SCFD2: variants seen among roughly 807,000 people sequenced by gnomAD.
SCFD2 encodes the protein sec1 family domain-containing protein 2.
In SCFD2, 54 loss-of-function variants were observed where a neutral mutation model predicts 58.9. The observed-to-expected ratio is 0.92, with a 90% CI of 0.74 to 1.15. The LOEUF (loss-of-function observed/expected upper bound fraction) is 1.15, where lower values mean the gene tolerates loss of function less well. Ranked by LOEUF, SCFD2 falls within the 50% of genes most tolerant of loss-of-function variation. The pLI, the probability that SCFD2 is intolerant of heterozygous loss-of-function variation, is 0.00. For synonymous variants in SCFD2, 321 were observed against 335.9 expected (o/e 0.96, Z 0.49); for missense variants, 805 against 836.6 (o/e 0.96, Z 0.47).
At chr4:53,251,192 G>A (rs892712722) in intron 4 of SCFD2, among the ~76,000 whole-genome samples, 2 of 152,176 alleles carry the variant, frequency 1.3e-5, no homozygotes, top group Non-Finnish European at 2.9e-5. Context: ...GGAAGAAGTT[G>A]AATCTCTGAA....
intron 1 of SCFD2, among the ~76,000 whole-genome samples, chr4:53,353,071 A>C (rs1294220869): frequency 6.6e-6 from 1 of 152,154 alleles, no homozygotes; most frequent in Non-Finnish European, 1.5e-5. Flanking sequence ...TCAAGAATGA[A>C]GCCGCAGACC....
intron 4 of SCFD2, among the ~76,000 whole-genome samples, chr4:53,270,957 C>T (rs1310822816): frequency 6.6e-6 from 1 of 151,998 alleles, no homozygotes; most frequent in African/African-American, 2.4e-5. Flanking sequence ...AACCAACCAC[C>T]ATAAACAACA....
intron 4 of SCFD2, among the ~76,000 whole-genome samples, chr4:53,254,426 T>C (rs1210185107): frequency 6.6e-6 from 1 of 152,178 alleles, no homozygotes; most frequent in African/African-American, 2.4e-5. Flanking sequence ...GATTTTAAGT[T>C]GCCTGAGGCC....
chr4:53,049,006 T>C (rs1260295323), intron 5 of SCFD2, among the ~76,000 whole-genome samples: 1 of 152,142 alleles, frequency 6.6e-6, no homozygotes, highest in Non-Finnish European at 1.5e-5. Context: ...TTAGGAATCT[T>C]TTTCAGCTTG....
intron 5 of SCFD2, among the ~76,000 whole-genome samples, chr4:53,116,324 C>T (rs1031739224): frequency 2.0e-5 from 3 of 152,168 alleles, no homozygotes; most frequent in Non-Finnish European, 4.4e-5. Context: ...ACTCATGCAT[C>T]TAAGCTGATG....
At chr4:53,254,108 G>A (rs1349991968) in intron 4 of SCFD2, among the ~76,000 whole-genome samples, 3 of 152,122 alleles carry the variant, frequency 2.0e-5, no homozygotes, top group African/African-American at 4.8e-5. Flanking sequence ...GGAGGGTGGA[G>A]AAGGGAAAGG....
At chr4:53,007,808 G>T (rs1304673893) in intron 5 of SCFD2, among the ~76,000 whole-genome samples, 1 of 152,192 alleles carries the variant, frequency 6.6e-6, no homozygotes, top group East Asian at 1.9e-4. Context: ...AGCATGAGGA[G>T]CATTGGTCTT....
intron 3 of SCFD2, among the ~76,000 whole-genome samples, chr4:53,283,487 A>C (rs1560427422): frequency 6.6e-6 from 1 of 152,152 alleles, no homozygotes; most frequent in Non-Finnish European, 1.5e-5. Flanking sequence ...GTTTGGAACT[A>C]TTGGATGGGT....
At chr4:53,214,172 G>A (rs1409869826) in intron 4 of SCFD2, among the ~76,000 whole-genome samples, 2 of 152,116 alleles carry the variant, frequency 1.3e-5, no homozygotes, top group Non-Finnish European at 2.9e-5. Flanking sequence ...TATATACCCA[G>A]TAATGGGATG....
At chr4:53,325,464 C>A (rs867334626) in intron 2 of SCFD2, among the ~76,000 whole-genome samples, 3 of 152,062 alleles carry the variant, frequency 2.0e-5, no homozygotes, top group African/African-American at 7.2e-5. Context: ...GAAGAAAAGA[C>A]ACAGGACTGA....
chr4:53,324,761 A>G (rs1345121648), intron 2 of SCFD2, among the ~76,000 whole-genome samples: 1 of 152,196 alleles, frequency 6.6e-6, no homozygotes, highest in Non-Finnish European at 1.5e-5. Flanking sequence ...TGGGAGCATA[A>G]GAGCCCAGCA....
At chr4:52,881,199 T>C (rs1718601950) in intron 8 of SCFD2, among the ~76,000 whole-genome samples, 1 of 152,236 alleles carries the variant, frequency 6.6e-6, no homozygotes, top group Non-Finnish European at 1.5e-5. Flanking sequence ...TGGTTTCCTA[T>C]GTTTCATGCT....
intron 5 of SCFD2, 144 bp downstream of exon 5, chr4:53,145,189 G>C: frequency 1.0e-6 from 1 of 980,236 alleles, no homozygotes; most frequent in Non-Finnish European, 1.5e-6. Context: ...GTTGCTATAG[G>C]CTGGCTAGCA....
chr4:53,104,307 C>T (rs1724923523), intron 5 of SCFD2, among the ~76,000 whole-genome samples: 2 of 152,016 alleles, frequency 1.3e-5, no homozygotes, highest in African/African-American at 2.4e-5. Context: ...AGTCTTTCTC[C>T]CCAAAATTTA....
At chr4:53,247,265 G>A (rs1274038365) in intron 4 of SCFD2, among the ~76,000 whole-genome samples, 2 of 152,198 alleles carry the variant, frequency 1.3e-5, no homozygotes. Flanking sequence ...GTGCTGGTGA[G>A]TTTGTGCAGA....
At chr4:53,264,549 C>T (rs1036834723) in intron 4 of SCFD2, among the ~76,000 whole-genome samples, 7 of 152,148 alleles carry the variant, frequency 4.6e-5, no homozygotes, top group African/African-American at 7.2e-5. Context: ...CTCAGAAAAA[C>T]TCAATCCTAA....
At chr4:52,983,693 T>C (rs1296574017) in intron 5 of SCFD2, among the ~76,000 whole-genome samples, 4 of 152,226 alleles carry the variant, frequency 2.6e-5, no homozygotes, top group African/African-American at 9.6e-5. Context: ...TTCTAATTTA[T>C]AGAACCTAAC....
intron 5 of SCFD2, among the ~76,000 whole-genome samples, chr4:52,929,572 G>A (rs1031474173): frequency 3.3e-5 from 5 of 152,204 alleles, no homozygotes; most frequent in South Asian, 2.1e-4. Context: ...GAGAAATCAC[G>A]TGGTGGGAAG....
At chr4:53,286,400 C>T (rs561396142) in intron 3 of SCFD2, among the ~76,000 whole-genome samples, 28 of 152,206 alleles carry the variant, frequency 1.8e-4, no homozygotes, top group Non-Finnish European at 3.5e-4. Context: ...TGTTCTAACC[C>T]CCAAGGACCT....
Sources: allele counts gnomAD v4.1 joint callset (sites outside exome capture counted in the v4.1 genomes callset), GRCh38; gene constraint gnomAD v4.1.1; transcripts MANE v1.5; gene names NCBI Gene and HGNC (gene_info 2026-07-23, HGNC 2026-07-21).